Variants in SYT8 observed in about 807,000 individuals in gnomAD.
The protein encoded by SYT8 is synaptotagmin-8.
In SYT8, 50 loss-of-function variants were observed where a neutral mutation model predicts 34.9. The ratio of observed to expected loss-of-function variants is 1.43; its 90% CI spans 1.14 to 1.81. The LOEUF is 1.81. Ranked by LOEUF, SYT8 falls within the 40% of genes most tolerant of loss-of-function variation. The probability of loss-of-function intolerance (pLI) is 0.00; values close to 1 mark genes in which losing one functional copy is unlikely to be tolerated. For synonymous variants in SYT8, 255 were observed against 234.2 expected, an observed-to-expected ratio of 1.09 and a Z score of -0.81; for missense variants, 595 against 529.0, an observed-to-expected ratio of 1.12 and a Z score of -1.22.
intron 2 of SYT8, chr11:1,835,665 C>G (rs1846873202): frequency 1.3e-6 from 1 of 742,614 alleles, no homozygotes; most frequent in Non-Finnish European, 2.2e-6. Flanking sequence ...CCCGAGGGAG[C>G]CACAGCGGGT....
Position 1,836,742 on chromosome 11 carries a change from C to G in SYT8, c.685-14C>G. On this transcript the variant is annotated splice_polypyrimidine_tract_variant and intron_variant, in intron 5 of 7. Coordinates refer to ENST00000341958, the MANE Select transcript of SYT8 (RefSeq NM_001394072.1). ...ATCACCCTCCCGGGCTGAAGCCCCT[C>G]TTGCTGCCCACAGCCCGAGCAGGTC... 1 of 1,607,120 alleles carries G rather than the reference C, an allele frequency of 6.2e-7. No individual in the cohort carries two copies. Among genetic ancestry groups the G allele is most frequent in the Non-Finnish European group, 8.5e-7 (1 of 1,178,948 alleles).
At chr11:1,833,809 C>CGCGT (rs1185791771), upstream of SYT8, 2 of 145,330 alleles carry the variant, frequency 1.4e-5, no homozygotes, top group Admixed American at 7.1e-5. Flanking sequence ...ATGCTGTGTG[C>CGCGT]GCGTGCGTGT....
intron 7 of SYT8, 36 bp downstream of exon 7, chr11:1,837,126 A>T: frequency 6.2e-7 from 1 of 1,609,474 alleles, no homozygotes; most frequent in South Asian, 1.1e-5. Flanking sequence ...AGCGAGACCC[A>T]GTGCCAGACC....
At chr11:1,834,788 TGA>T (rs1846810910), upstream of SYT8, 3 of 706,842 alleles carry the variant, frequency 4.2e-6, no homozygotes, top group Admixed American at 5.6e-5. The surrounding 1 kb of genome is among the most constrained non-coding windows in gnomAD (Gnocchi z 4.5). Flanking sequence ...AAGGGTGCTC[TGA>T]GGTCCGGTGA....
upstream of SYT8, among the ~76,000 whole-genome samples, chr11:1,832,600 T>G (rs979346501): frequency 4.6e-5 from 7 of 152,028 alleles, no homozygotes; most frequent in African/African-American, 1.7e-4. Flanking sequence ...GGAGGCCGGG[T>G]CCCGAGGGGC....
Position 1,836,412 on chromosome 11 carries a change from G to A in SYT8, c.517-13G>A, listed in dbSNP as rs112877516. 7,178 of 1,532,622 alleles carry A rather than the reference G, an allele frequency of 4.7e-3. 299 individuals are homozygous for A. In the African/African-American group the frequency reaches 0.083, roughly 18 times the overall value. The allele number at this position is 1,532,622 out of a possible 1,614,324, so 94.9% of individuals were successfully genotyped here. ...GCTAGGGCAGCAGGGCCTGGCTCAC[G>A]CCGCTGCCTCAGATCCCGCAGGCGG... On this transcript the variant is annotated splice_polypyrimidine_tract_variant and intron_variant, in intron 4 of 7. Transcript: ENST00000341958.
intron 4 of SYT8, 63 bp from the exon 5 acceptor site, chr11:1,836,362 G>A (rs1387407087): frequency 6.7e-7 from 1 of 1,498,484 alleles, no homozygotes; most frequent in African/African-American, 1.4e-5. Flanking sequence ...CAGCTGGGTG[G>A]GCCTGGGCAG....
chr11:1,834,953 C>T (rs917309704), upstream of SYT8: 18 of 729,520 alleles, frequency 2.5e-5, no homozygotes, highest in South Asian at 3.5e-5. The surrounding 1 kb of genome is among the most constrained non-coding windows in gnomAD (Gnocchi z 4.5). Flanking sequence ...ACAGAACCCT[C>T]GCCCCTGGCC....
At chr11:1,832,422 G>T (rs1271937409), upstream of SYT8, among the ~76,000 whole-genome samples, 1 of 152,176 alleles carries the variant, frequency 6.6e-6, no homozygotes, top group Non-Finnish European at 1.5e-5. Flanking sequence ...CCCAGAGAAG[G>T]TTTTCCCAGC....
In SYT8 at chr11:1,836,846, C is replaced by T. The variant is rs115217397; in HGVS notation, c.775C>T (p.Arg259Cys). ...TVVVLEARGLRPGLAEPYVKV... is the reference protein window; with the variant it reads ...TVVVLEARGLCPGLAEPYVKV... ...GGTGGTGCTGGAGGCTCGAGGCCTG[C>T]GTCCAGGACTTGCAGGTGAGGGTCA... Residue 259 changes from arginine (R) to cysteine (C), a missense_variant, in exon 6 of 8, where the codon CGT becomes TGT. Physicochemically the swap from Arg to Cys is radical, Grantham distance 180. Transcript: ENST00000341958. 1.2e-3 allele frequency: 1,918 copies of T among 1,611,790 alleles called. 14 individuals are homozygous for T. In the African/African-American group the frequency reaches 0.023, roughly 19 times the overall value.
chr11:1,835,831 G>T, intron 2 of SYT8, 55 bp from the exon 3 acceptor site: 1 of 1,481,788 alleles, frequency 6.7e-7, no homozygotes, highest in Non-Finnish European at 9.4e-7. Flanking sequence ...GGAGCCCAGG[G>T]CTCTGATGAG....
At chr11:1,833,809 CGCGTGCGTGT>C (rs1846757295), upstream of SYT8, 1 of 145,330 alleles carries the variant, frequency 6.9e-6, no homozygotes, top group Non-Finnish European at 1.5e-5. Flanking sequence ...ATGCTGTGTG[CGCGTGCGTGT>C]GTGTGTGTGT....
rs200111341 is a variant in SYT8, at chr11:1,837,102, G to T, written c.924+12G>T. ...TCAGCCAGGTCCAGGTGGGCCACCGGGAGGCAGGGGCAGAGCGAGACCCAG... is the reference window on the plus strand; with the variant it reads ...TCAGCCAGGTCCAGGTGGGCCACCGTGAGGCAGGGGCAGAGCGAGACCCAG... On this transcript the variant is annotated intron_variant, in intron 7 of 7. Transcript: ENST00000341958. The T allele has an allele frequency of 5.0e-5, 81 of 1,612,832 alleles. No homozygotes were observed. The highest frequency in any genetic ancestry group is 3.3e-4 in the Middle Eastern group (2 of 6,078).
At chr11:1,833,786 G>A (rs1846755941), upstream of SYT8, 2 of 154,320 alleles carry the variant, frequency 1.3e-5, no homozygotes, top group South Asian at 2.0e-4. Context: ...GCCTGCCAGG[G>A]AGTGGGGCAT....
At chr11:1,836,319 CGGCTGGATGGGCCTG>C (rs1846927753) in intron 4 of SYT8, 35 bp downstream of exon 4, 1 of 1,485,866 alleles carries the variant, frequency 6.7e-7, no homozygotes, top group African/African-American at 1.4e-5. Context: ...TGGGCCTGGA[CGGCTGGATGGGCCTG>C]GGCTGGGTGG....
chr11:1,834,186 C>T (rs1471916555), upstream of SYT8: 5 of 334,608 alleles, frequency 1.5e-5, no homozygotes, highest in African/African-American at 6.7e-5. This position sits in a 1 kb window ranked among gnomAD's most constrained non-coding sequence, Gnocchi z 4.5. Flanking sequence ...ACCCTGGTTC[C>T]CCTGCCTGTA....
rs540038185 is a variant in SYT8, at chr11:1,835,393, G to T, written c.192G>T (p.Arg64Ser). Residue 64 changes from arginine (R) to serine (S), a missense_variant, in exon 2 of 8, where the codon AGG becomes AGT. Transcript: ENST00000341958. Reference protein sequence around the residue: ...CAACCCCRRHRKKPRDKESVG... With the variant: ...CAACCCCRRHSKKPRDKESVG... ...CCTGCTGCTGCTGCCGCCGCCACAG[G>T]AAGAAGCCCAGGGACAAGGAGTCCG... 5.6e-6 allele frequency: 9 copies of T among 1,609,196 alleles called. No individual in the cohort carries two copies. The highest frequency in any genetic ancestry group is 1.3e-5 in the African/African-American group (1 of 75,034).
At chr11:1,834,277 G>C (rs775562079), upstream of SYT8, 3 of 514,366 alleles carry the variant, frequency 5.8e-6, no homozygotes, top group South Asian at 6.6e-5. The surrounding 1 kb of genome is among the most constrained non-coding windows in gnomAD (Gnocchi z 4.5). Context: ...AGCTGCGCCC[G>C]CCCCACCTTC....
upstream of SYT8, chr11:1,834,383 A>C: frequency 3.1e-6 from 2 of 639,936 alleles, no homozygotes; most frequent in Non-Finnish European, 5.6e-6. The surrounding 1 kb of genome is among the most constrained non-coding windows in gnomAD (Gnocchi z 4.5). Context: ...GGCCGCTCCC[A>C]GCTGCACCCT....
Sources: gnomAD v4.1 joint callset for allele counts (sites outside exome capture counted in the v4.1 genomes callset) on GRCh38, gnomAD v4.1.1 for gene constraint, Gnocchi (gnomAD v3.1) non-coding constraint, MANE v1.5 for transcripts, NCBI Gene and HGNC (gene_info 2026-07-23, HGNC 2026-07-21) for gene names.